Variants in FMN2 observed in about 807,000 individuals in gnomAD.
The protein encoded by FMN2 is formin-2.
FMN2 carries 51 observed loss-of-function variants against 142.3 expected under a neutral mutation model. That is an observed-to-expected ratio of 0.36 (90% CI 0.29 to 0.45). The LOEUF is 0.45. Among genes scored for constraint, FMN2 ranks in the 20% least tolerant of loss-of-function variants. The probability of loss-of-function intolerance (pLI) is 1.00; values close to 1 mark genes in which losing one functional copy is unlikely to be tolerated. For synonymous variants in FMN2, 882 were observed against 869.8 expected (o/e 1.01, Z -0.25); for missense variants, 1,936 against 2,122.8 (o/e 0.91, Z 1.73).
chr1:240,204,199 T>A (rs1000846220), intron 4 of FMN2, among the ~76,000 whole-genome samples: 3 of 152,152 alleles, frequency 2.0e-5, no homozygotes, highest in African/African-American at 7.2e-5. Context: ...TCTAAATTAC[T>A]GGTTGTCTTC....
Position 240,473,217 on chromosome 1 carries a change from G to A in FMN2, c.5142+764G>A, listed in dbSNP as rs1353142021. ...CCCGTTTATATCCACAGATGGCTCGGCAGAGTTGGCTGCCGGAGAGTGGTC... is the reference window on the plus strand; with the variant it reads ...CCCGTTTATATCCACAGATGGCTCGACAGAGTTGGCTGCCGGAGAGTGGTC... On this transcript the variant is annotated intron_variant, in intron 17 of 17. Coordinates refer to ENST00000319653, the MANE Select transcript of FMN2 (RefSeq NM_020066.5). This position sits in a 1 kb window ranked among gnomAD's most constrained non-coding sequence, Gnocchi z 4.3. Among the ~76,000 whole-genome samples the A allele has an allele frequency of 2.6e-5, 4 of 152,160 alleles. No homozygotes were observed. The highest frequency in any genetic ancestry group is 2.0e-4 in the Admixed American group (3 of 15,276).
chr1:240,328,167 A>AAAAAAAAAAG (rs1558435720), intron 8 of FMN2, among the ~76,000 whole-genome samples: 1 of 141,158 alleles, frequency 7.1e-6, no homozygotes, highest in African/African-American at 2.7e-5. Flanking sequence ...AAAAAAAAAA[A>AAAAAAAAAAG]AAAAAGAAAA....
rs183363669 is a variant in FMN2 at position 240,415,237 on chromosome 1, G to A, written c.4910+22675G>A. ...AGGATGATTTCATGTCCTTTGCAGG[G>A]ACATGGATGAAGCTGGAAACCATCA... On this transcript the variant is annotated intron_variant, in intron 15 of 17. Transcript: ENST00000319653. 3.6e-3 allele frequency among the ~76,000 whole-genome samples: 551 copies of A among 152,258 alleles called. 2 individuals carry two copies. Among genetic ancestry groups the A allele is most frequent in the African/African-American group, 0.012 (518 of 41,554 alleles).
chr1:240,322,180 C>T (rs2103001714), intron 8 of FMN2, among the ~76,000 whole-genome samples: 1 of 133,766 alleles, frequency 7.5e-6, no homozygotes, highest in African/African-American at 3.1e-5. Flanking sequence ...TTGCTTTTCC[C>T]ACCCCAACTT....
rs200680455 is a variant in FMN2 at position 240,131,494 on chromosome 1, A to G, written c.1782+8149A>G. 2.0e-5 allele frequency among the ~76,000 whole-genome samples: 3 copies of G among 152,236 alleles called. No individual in the cohort carries two copies. The East Asian group carries it at 5.8e-4, about 30-fold the overall frequency. On this transcript the variant is annotated intron_variant, in intron 2 of 17. Coordinates refer to ENST00000319653, the MANE Select transcript of FMN2 (RefSeq NM_020066.5). ...GAGGCTGAGGTGGGCAGATCACCTG[A>G]GGTCAGGAGTTCGAGACTAGCCTGA...
chr1:240,385,321 G>A (rs146257989), intron 14 of FMN2, among the ~76,000 whole-genome samples: 81 of 152,234 alleles, frequency 5.3e-4, no homozygotes, highest in African/African-American at 1.8e-3. Flanking sequence ...CGTTTTATCC[G>A]AAGGATTTTT....
chr1:240,251,233 C>T (rs538798332), intron 6 of FMN2, among the ~76,000 whole-genome samples: 1 of 151,874 alleles, frequency 6.6e-6, no homozygotes, highest in South Asian at 2.1e-4. Flanking sequence ...CCTTTTAGTA[C>T]TAGTTTTGTT....
chr1:240,118,350 T>C (rs1282320134), intron 1 of FMN2, among the ~76,000 whole-genome samples: 1 of 152,096 alleles, frequency 6.6e-6, no homozygotes, highest in Non-Finnish European at 1.5e-5. Context: ...GAAAGTTTGA[T>C]AGGGTCCTGC....
At chr1:240,149,366 T>C (rs1055975965) in intron 2 of FMN2, among the ~76,000 whole-genome samples, 1 of 152,226 alleles carries the variant, frequency 6.6e-6, no homozygotes, top group African/African-American at 2.4e-5. Flanking sequence ...GTAAGTTGTT[T>C]AGGTGCACCT....
intron 14 of FMN2, among the ~76,000 whole-genome samples, chr1:240,362,984 A>G (rs1233363027): frequency 6.6e-6 from 1 of 152,238 alleles, no homozygotes; most frequent in Non-Finnish European, 1.5e-5. Context: ...ATGAAAATGC[A>G]TAAATCTGTA....
intron 8 of FMN2, among the ~76,000 whole-genome samples, chr1:240,326,791 GA>G (rs1671187053): frequency 2.0e-5 from 3 of 151,994 alleles, no homozygotes; most frequent in Admixed American, 6.6e-5. Flanking sequence ...TGCTCTGGTA[GA>G]AACTCTTTCC....
chr1:240,280,859 C>T (rs572489772), intron 7 of FMN2, among the ~76,000 whole-genome samples: 44 of 152,144 alleles, frequency 2.9e-4, no homozygotes, highest in African/African-American at 9.2e-4. Flanking sequence ...AGCGCCGAGT[C>T]GTACCCAGTG....
intron 8 of FMN2, among the ~76,000 whole-genome samples, chr1:240,316,951 T>G (rs1430251162): frequency 6.6e-6 from 1 of 152,138 alleles, no homozygotes; most frequent in African/African-American, 2.4e-5. Context: ...TGTACACACA[T>G]ATGCATGTAC....
intron 2 of FMN2, among the ~76,000 whole-genome samples, chr1:240,149,997 C>CT (rs1663697426): frequency 6.6e-6 from 1 of 151,990 alleles, no homozygotes; most frequent in African/African-American, 2.4e-5. Context: ...TGTATAAATG[C>CT]TAATGTTGAT....
At chr1:240,144,661 A>C in intron 2 of FMN2, 2 of 1,282,388 alleles carry the variant, frequency 1.6e-6, no homozygotes, top group South Asian at 2.4e-5. Context: ...GCTCAGACAC[A>C]TAATTCACAC....
At chr1:240,343,056 G>T (rs1019433424) in intron 13 of FMN2, among the ~76,000 whole-genome samples, 1 of 152,242 alleles carries the variant, frequency 6.6e-6, no homozygotes, top group Non-Finnish European at 1.5e-5. Flanking sequence ...TTATTTACTG[G>T]TTCCTGATCC....
intron 8 of FMN2, among the ~76,000 whole-genome samples, chr1:240,321,153 GT>G (rs547303909): frequency 0.018 from 2,656 of 143,854 alleles, 82 homozygotes; most frequent in African/African-American, 0.06. Flanking sequence ...AATTGAACTT[GT>G]TTTTTTTTTT....
intron 6 of FMN2, among the ~76,000 whole-genome samples, chr1:240,220,376 T>C (rs562548972): frequency 6.6e-6 from 1 of 152,300 alleles, no homozygotes; most frequent in African/African-American, 2.4e-5. Flanking sequence ...TCTATGGCTA[T>C]GATTTTGGTC....
rs556466313 is a variant in FMN2, at chr1:240,317,493, G to A, written c.4216-11583G>A. Among the ~76,000 whole-genome samples, 31 of 152,070 alleles carry A rather than the reference G, an allele frequency of 2.0e-4. No homozygotes were observed. In the South Asian group the frequency reaches 2.3e-3, roughly 11 times the overall value. On this transcript the variant is annotated intron_variant, in intron 8 of 17. Coordinates refer to ENST00000319653, the MANE Select transcript of FMN2 (RefSeq NM_020066.5). ...GAATGTGACATAAATGGAATCATAC[G>A]GTATATAACCTTTTAAGATTAGCTT...
Sources: gnomAD v4.1 joint callset for allele counts (sites outside exome capture counted in the v4.1 genomes callset) on GRCh38, gnomAD v4.1.1 for gene constraint, Gnocchi (gnomAD v3.1) non-coding constraint, MANE v1.5 for transcripts, NCBI Gene and HGNC (gene_info 2026-07-23, HGNC 2026-07-21) for gene names.